SLC2A9: variants seen among roughly 807,000 people sequenced by gnomAD.
SLC2A9 encodes the protein solute carrier family 2, facilitated glucose transporter member 9.
SLC2A9 carries 39 observed loss-of-function variants against 50.6 expected under a neutral mutation model. The observed-to-expected ratio is 0.77, with a 90% CI of 0.60 to 1.01. The LOEUF (loss-of-function observed/expected upper bound fraction) is 1.01. Among genes scored for constraint, SLC2A9 ranks in the 50% least tolerant of loss-of-function variants. The pLI, the probability that SLC2A9 is intolerant of heterozygous loss-of-function variation, is 0.00. For missense variants in SLC2A9, 686 were observed against 677.6 expected (o/e 1.01, Z -0.14); for synonymous variants, 324 against 276.9 (o/e 1.17, Z -1.69).
Position 9,980,572 on chromosome 4 carries a change from G to T in SLC2A9, c.681+20C>A. On this transcript the variant is annotated intron_variant, in intron 5 of 11. Transcript: ENST00000264784. ...ACATGAGATGAGAGCAGATGCGGTT[G>T]ACCAGGGAGCCACACTCACCTTTCC... 6.2e-7 allele frequency: 1 copy of T among 1,613,876 alleles called. No individual in the cohort carries two copies. The highest frequency in any genetic ancestry group is 1.1e-5 in the South Asian group (1 of 90,966).
At chr4:9,824,168 A>G (rs969608628), downstream of SLC2A9, among the ~76,000 whole-genome samples, 1 of 152,084 alleles carries the variant, frequency 6.6e-6, no homozygotes, top group African/African-American at 2.4e-5. Flanking sequence ...TTTTATAAAG[A>G]GAAGAGAGAC....
At chr4:9,913,461 T>C (rs934074071) in intron 7 of SLC2A9, among the ~76,000 whole-genome samples, 2 of 152,128 alleles carry the variant, frequency 1.3e-5, no homozygotes, top group East Asian at 3.9e-4. Context: ...AGGATCTATC[T>C]TGAAGTACAG....
intron 3 of SLC2A9, among the ~76,000 whole-genome samples, chr4:9,792,165 T>TTG (rs1437893698): frequency 2.6e-5 from 3 of 114,456 alleles, no homozygotes; most frequent in African/African-American, 1.2e-4. Context: ...CTATGTTTCT[T>TTG]TTTTTTTTTT....
At chr4:9,797,858 G>A (rs1304436929), downstream of SLC2A9, among the ~76,000 whole-genome samples, 1 of 152,118 alleles carries the variant, frequency 6.6e-6, no homozygotes, top group Non-Finnish European at 1.5e-5. Flanking sequence ...TGGTGCACAT[G>A]ATCCTACAAC....
downstream of SLC2A9, among the ~76,000 whole-genome samples, chr4:9,798,111 A>G (rs1560126589): frequency 6.6e-6 from 1 of 152,184 alleles, no homozygotes; most frequent in African/African-American, 2.4e-5. Flanking sequence ...GAGGGATTTT[A>G]GTCAGGATGG....
chr4:10,003,010 G>A (rs1008568132), intron 2 of SLC2A9, among the ~76,000 whole-genome samples: 1 of 152,160 alleles, frequency 6.6e-6, no homozygotes, highest in Non-Finnish European at 1.5e-5. Context: ...GGATTAGAGG[G>A]GCCACAGCAA....
At chr4:9,932,915 C>T (rs989539112) in intron 6 of SLC2A9, among the ~76,000 whole-genome samples, 1 of 152,252 alleles carries the variant, frequency 6.6e-6, no homozygotes. Context: ...AGGACCTCTT[C>T]TGCTAGTCAA....
chr4:9,987,401 T>C (rs886958881), intron 3 of SLC2A9, among the ~76,000 whole-genome samples: 3 of 152,198 alleles, frequency 2.0e-5, no homozygotes, highest in Non-Finnish European at 2.9e-5. Context: ...ATTACAGGCG[T>C]GAGCCACTGC....
In SLC2A9 at chr4:9,885,763, G is replaced by A. The variant is rs62293294; in HGVS notation, c.1291+1804C>T. On this transcript the variant is annotated intron_variant, in intron 10 of 11. Transcript: ENST00000264784. Reference sequence around the variant, plus strand: ...AAAGACAGACTGCAGCACACAGGCCGCATGCAGCCCACTGCCTGCTTTTGT... The same window carrying A: ...AAAGACAGACTGCAGCACACAGGCCACATGCAGCCCACTGCCTGCTTTTGT... 5.4e-3 allele frequency among the ~76,000 whole-genome samples: 829 copies of A among 152,294 alleles called. 3 individuals carry two copies. The highest frequency in any genetic ancestry group is 9.7e-3 in the African/African-American group (402 of 41,558).
chr4:9,853,812 A>T (rs1369209362), intron 10 of SLC2A9, among the ~76,000 whole-genome samples: 2 of 152,248 alleles, frequency 1.3e-5, no homozygotes, highest in Non-Finnish European at 2.9e-5. Context: ...AACACAGTGC[A>T]ATAAAAATAG....
At chr4:9,828,131 T>C (rs575861504) in intron 11 of SLC2A9, among the ~76,000 whole-genome samples, 94 of 152,274 alleles carry the variant, frequency 6.2e-4, no homozygotes, top group Non-Finnish European at 9.4e-4. Context: ...ATCCTTCTGA[T>C]TGATTATGCC....
At position 9,826,379 on chromosome 4, in the gene SLC2A9, C is replaced by A. The variant is rs368486099; in HGVS notation, c.*18G>T. 3 of 1,612,988 alleles carry A rather than the reference C, an allele frequency of 1.9e-6. No homozygotes were observed. Among genetic ancestry groups the A allele is most frequent in the Non-Finnish European group, 2.5e-6 (3 of 1,178,992 alleles). ...TCCTGTTTTTGACATAATTGTCCAA[C>A]GTGGAGGAGGAAACTTGTTAAGGCC... is the stretch of plus-strand genomic sequence containing the variant. On this transcript the variant is annotated 3_prime_UTR_variant, in exon 12 of 12. Coordinates refer to ENST00000264784, the MANE Select transcript of SLC2A9 (RefSeq NM_020041.3).
intron 5 of SLC2A9, among the ~76,000 whole-genome samples, chr4:9,944,322 T>C (rs1560356265): frequency 6.6e-6 from 1 of 152,252 alleles, no homozygotes; most frequent in East Asian, 1.9e-4. Context: ...CTAGCTGAGA[T>C]GGACACTCTC....
At chr4:9,943,156 C>T (rs965512835) in intron 5 of SLC2A9, among the ~76,000 whole-genome samples, 10 of 152,124 alleles carry the variant, frequency 6.6e-5, no homozygotes, top group African/African-American at 2.4e-4. Flanking sequence ...CTACTGAGGT[C>T]CATGGTAACA....
At chr4:9,817,178 G>A (rs755650952) in intron 3 of SLC2A9, among the ~76,000 whole-genome samples, 6 of 152,156 alleles carry the variant, frequency 3.9e-5, no homozygotes, top group Non-Finnish European at 8.8e-5. Context: ...GGTTTACCCA[G>A]TCATCCACGT....
chr4:9,847,558 CTCAG>C (rs1729184396), intron 10 of SLC2A9, among the ~76,000 whole-genome samples: 1 of 152,172 alleles, frequency 6.6e-6, no homozygotes, highest in African/African-American at 2.4e-5. Flanking sequence ...CATTAATCCC[CTCAG>C]TGTTTGCTGG....
intron 7 of SLC2A9, among the ~76,000 whole-genome samples, chr4:9,914,242 G>C (rs560162229): frequency 6.6e-6 from 1 of 152,300 alleles, no homozygotes; most frequent in East Asian, 1.9e-4. Flanking sequence ...GAGGTGAGAG[G>C]AAATGGGAGC....
At chr4:9,988,414 CAT>C (rs1052903371) in intron 3 of SLC2A9, among the ~76,000 whole-genome samples, 21 of 152,232 alleles carry the variant, frequency 1.4e-4, no homozygotes, top group African/African-American at 4.8e-4. Context: ...TGACTTGAAA[CAT>C]GTGCAAACGG....
chr4:9,887,734 G>A, intron 9 of SLC2A9, 92 bp from the exon 10 acceptor site: 1 of 1,092,258 alleles, frequency 9.2e-7, no homozygotes, highest in East Asian at 2.9e-5. Context: ...ATCCATCTGT[G>A]TGACCTTGGA....
Sources: gnomAD v4.1 joint callset for allele counts (sites outside exome capture counted in the v4.1 genomes callset) on GRCh38, gnomAD v4.1.1 for gene constraint, MANE v1.5 for transcripts, NCBI Gene and HGNC (gene_info 2026-07-23, HGNC 2026-07-21) for gene names.